The following CHN2 variants were observed in gnomAD, a reference collection of about 807,000 sequenced individuals.
CHN2 encodes chimerin 2.
CHN2 carries 35 observed loss-of-function variants against 56.3 expected under a neutral mutation model. That is an observed-to-expected ratio of 0.62 (90% CI 0.47 to 0.82). The LOEUF (loss-of-function observed/expected upper bound fraction) is 0.82. Ranked by LOEUF, CHN2 falls within the 40% of genes least tolerant of loss-of-function variation. The pLI is 0.00. For synonymous variants in CHN2, 210 were observed against 212.8 expected, an observed-to-expected ratio of 0.99 and a Z score of 0.12; for missense variants, 491 against 580.5, an observed-to-expected ratio of 0.85 and a Z score of 1.58.
chr7:29,363,578 C>A (rs1423758801), intron 2 of CHN2, among the ~76,000 whole-genome samples: 1 of 152,156 alleles, frequency 6.6e-6, no homozygotes, highest in Non-Finnish European at 1.5e-5. Flanking sequence ...CATCCCTGCC[C>A]TCAAAGAGCT....
chr7:29,451,542 A>T (rs1418235766), intron 6 of CHN2, among the ~76,000 whole-genome samples: 1 of 151,896 alleles, frequency 6.6e-6, no homozygotes, highest in African/African-American at 2.4e-5. Context: ...CAATGTTTTT[A>T]AAATAAATTT....
intron 6 of CHN2, among the ~76,000 whole-genome samples, chr7:29,467,646 C>G (rs904138055): frequency 4.6e-5 from 7 of 152,134 alleles, no homozygotes; most frequent in Admixed American, 2.6e-4. Context: ...TAGTGGGGGA[C>G]AGATAAGTGG....
intron 6 of CHN2, among the ~76,000 whole-genome samples, chr7:29,437,554 C>T (rs1416447161): frequency 4.8e-5 from 4 of 82,700 alleles, no homozygotes; most frequent in African/African-American, 1.5e-4. Flanking sequence ...GCCGAGATCG[C>T]GCCACTGCAC....
intron 1 of CHN2, among the ~76,000 whole-genome samples, chr7:29,265,667 G>A (rs932752390): frequency 6.6e-6 from 1 of 152,114 alleles, no homozygotes; most frequent in Admixed American, 6.5e-5. Context: ...AGAGAGACAT[G>A]AGAGAAGAGG....
At chr7:29,161,840 A>C (rs941352919) in intron 2 of CHN2, among the ~76,000 whole-genome samples, 19 of 152,240 alleles carry the variant, frequency 1.2e-4, no homozygotes, top group African/African-American at 4.1e-4. Flanking sequence ...TGAGAAAACA[A>C]TCTGATTTTT....
intron 3 of CHN2, among the ~76,000 whole-genome samples, chr7:29,385,942 T>C (rs754067264): frequency 8.5e-5 from 13 of 152,210 alleles, no homozygotes; most frequent in Non-Finnish European, 1.3e-4. Context: ...ATCCAACTTG[T>C]GTGTATGTAC....
At chr7:29,294,711 T>C (rs1391828102) in intron 1 of CHN2, among the ~76,000 whole-genome samples, 4 of 152,194 alleles carry the variant, frequency 2.6e-5, no homozygotes, top group African/African-American at 9.7e-5. Flanking sequence ...ATGTCACAGG[T>C]CACCACTTTA....
At chr7:29,389,633 C>T (rs1801202503) in intron 3 of CHN2, among the ~76,000 whole-genome samples, 1 of 152,040 alleles carries the variant, frequency 6.6e-6, no homozygotes, top group Non-Finnish European at 1.5e-5. Context: ...AAGGTAGTTC[C>T]AAAACAGAAA....
chr7:29,212,492 A>C, intron 1 of CHN2: 2 of 1,581,032 alleles, frequency 1.3e-6, no homozygotes. Context: ...TATTCAGGAC[A>C]GCCCTGATTC....
intron 1 of CHN2, chr7:29,195,196 G>T: frequency 2.0e-6 from 1 of 499,770 alleles, no homozygotes; most frequent in South Asian, 3.2e-5. Flanking sequence ...CAGCGCAGAG[G>T]TGGGAGAGCG....
intron 6 of CHN2, among the ~76,000 whole-genome samples, chr7:29,479,090 A>C (rs186383790): frequency 6.6e-6 from 1 of 152,282 alleles, no homozygotes; most frequent in East Asian, 1.9e-4. Context: ...CATTAGCTGC[A>C]TTAATCTTCA....
At chr7:29,301,911 A>G (rs1793703713) in intron 1 of CHN2, among the ~76,000 whole-genome samples, 1 of 152,230 alleles carries the variant, frequency 6.6e-6, no homozygotes, top group Non-Finnish European at 1.5e-5. Context: ...AGCCATCTGC[A>G]GCCCTAGCTA....
chr7:29,246,895 T>G (rs563575616), intron 1 of CHN2, among the ~76,000 whole-genome samples: 1 of 152,166 alleles, frequency 6.6e-6, no homozygotes, highest in Non-Finnish European at 1.5e-5. Flanking sequence ...CTAAACACCT[T>G]ACAAGGGCCC....
chr7:29,208,547 C>A (rs1458629264), intron 1 of CHN2, among the ~76,000 whole-genome samples: 1 of 152,172 alleles, frequency 6.6e-6, no homozygotes, highest in African/African-American at 2.4e-5. Flanking sequence ...GTGCCTTGCG[C>A]TGGCCTCTGC....
chr7:29,225,407 T>C (rs1786112814), intron 1 of CHN2, among the ~76,000 whole-genome samples: 1 of 152,108 alleles, frequency 6.6e-6, no homozygotes, highest in Non-Finnish European at 1.5e-5. Context: ...TAGCAAACAA[T>C]ATCATATACA....
rs189906694 is a variant in CHN2, at chr7:29,341,048, C to T, written c.50-13577C>T. Among the ~76,000 whole-genome samples, 203 of 152,280 alleles carry T rather than the reference C, an allele frequency of 1.3e-3. 1 individual carries two copies. The highest frequency in any genetic ancestry group is 4.6e-3 in the African/African-American group (190 of 41,538). On this transcript the variant is annotated intron_variant, in intron 1 of 12. Transcript: ENST00000222792. ...TCTCTATATTCACAGATGGGAAAAC[C>T]GAGGCCCATGTGGGTCAAGGTTGAG...
At position 29,510,468 on chromosome 7, in the gene CHN2, T is replaced by C. The variant is rs182476597; in HGVS notation, c.1235+1062T>C. 6.6e-5 allele frequency among the ~76,000 whole-genome samples: 10 copies of C among 152,286 alleles called. No homozygotes were observed. In the East Asian group the frequency reaches 1.7e-3, roughly 27 times the overall value. ...ACAAAAAAATTCACTCCTGAAGGCT[T>C]GATGGTGGTAGCATCCATCTCCAAG... On this transcript the variant is annotated intron_variant, in intron 12 of 12. Transcript: ENST00000222792.
chr7:29,269,202 T>TC (rs1182633303), intron 1 of CHN2, among the ~76,000 whole-genome samples: 1 of 152,146 alleles, frequency 6.6e-6, no homozygotes, highest in African/African-American at 2.4e-5. Flanking sequence ...TATTCCCCTC[T>TC]CCCCACTACT....
intron 2 of CHN2, among the ~76,000 whole-genome samples, chr7:29,175,154 A>T (rs1797124179): frequency 6.6e-6 from 1 of 150,700 alleles, no homozygotes; most frequent in South Asian, 2.1e-4. Flanking sequence ...GTCTCATGAG[A>T]TGTGATGATT....
Sources: allele counts gnomAD v4.1 joint callset (sites outside exome capture counted in the v4.1 genomes callset), GRCh38; gene constraint gnomAD v4.1.1; transcripts MANE v1.5; gene names NCBI Gene and HGNC (gene_info 2026-07-23, HGNC 2026-07-21).